TXNL1: variants seen among roughly 807,000 people sequenced by gnomAD.
TXNL1 encodes the protein thioredoxin like 1, also known as thioredoxin-like protein 1.
A neutral mutation model predicts 35.5 loss-of-function variants in TXNL1; 14 were observed. The ratio of observed to expected loss-of-function variants is 0.39; its 90% CI spans 0.26 to 0.62. TXNL1 has a LOEUF of 0.62. Ranked by LOEUF, TXNL1 falls within the 20% of genes least tolerant of loss-of-function variation. TXNL1 has a pLI of 0.47. For missense variants in TXNL1, 263 were observed against 349.7 expected (o/e 0.75, Z 1.98); for synonymous variants, 110 against 115.5 (o/e 0.95, Z 0.31).
At chr18:56,621,158 AGTTTTT>A (rs1283576655) in intron 3 of TXNL1, among the ~76,000 whole-genome samples, 2 of 151,862 alleles carry the variant, frequency 1.3e-5, no homozygotes, top group Non-Finnish European at 2.9e-5. Flanking sequence ...TCTTCTAAAT[AGTTTTT>A]GTTTTTATTT....
chr18:56,601,127 A>G lies in TXNL1; in HGVS notation c.*1900T>C, dbSNP rs1474200860. On this transcript the variant is annotated 3_prime_UTR_variant, in exon 8 of 8. Transcript: ENST00000217515. ...GTTACATATACATATGTGTGTATAT[A>G]TATATACTGTTTTAGGAGAAAACAG... 6.6e-6 allele frequency: 1 copy of G among 152,204 alleles called. No individual in the cohort carries two copies. Among genetic ancestry groups the G allele is most frequent in the Non-Finnish European group, 1.5e-5 (1 of 68,032 alleles). The allele number at this position is 152,204 out of a possible 1,614,324, so 9.4% of individuals were successfully genotyped here.
intron 4 of TXNL1, among the ~76,000 whole-genome samples, chr18:56,617,615 C>T (rs943937347): frequency 2.3e-4 from 35 of 152,272 alleles, no homozygotes; most frequent in African/African-American, 7.9e-4. Flanking sequence ...AGGTTTCTAT[C>T]TAGGAGAAAG....
chr18:56,618,616 A>C (rs1166279457), intron 3 of TXNL1, among the ~76,000 whole-genome samples: 4 of 152,062 alleles, frequency 2.6e-5, no homozygotes, highest in Non-Finnish European at 5.9e-5. Flanking sequence ...CAGCTACAAT[A>C]ATCATCAACT....
intron 1 of TXNL1, among the ~76,000 whole-genome samples, chr18:56,628,517 C>T (rs2024322413): frequency 1.3e-5 from 2 of 151,980 alleles, no homozygotes; most frequent in Non-Finnish European, 2.9e-5. Context: ...GGTATAAAAC[C>T]TCTTGCAAAA....
chr18:56,638,566 G>C lies in TXNL1; in HGVS notation c.-126C>G. On this transcript the variant is annotated 5_prime_UTR_variant, in exon 1 of 8. Coordinates refer to ENST00000217515, the MANE Select transcript of TXNL1 (RefSeq NM_004786.3). ...GGCCTGGACAGAAGAGGTGGCGACC[G>C]CCGAGTCTTCTCCCGGGACTCTCAG... 2.1e-6 allele frequency: 2 copies of C among 938,186 alleles called. No homozygotes were observed. The highest frequency in any genetic ancestry group is 3.6e-5 in the South Asian group (2 of 55,884). 58.1% of individuals were successfully genotyped at this position (938,186 alleles called of 1,614,324 possible). A position where few individuals can be genotyped will look rare whatever the true frequency, so the allele number is the denominator to read the frequency against.
In TXNL1 at chr18:56,627,411, T is replaced by C. The variant is rs910757209; in HGVS notation, c.99-954A>G. On this transcript the variant is annotated intron_variant, in intron 1 of 7. Transcript: ENST00000217515. ...TAACAAATTTCCATTCTAAAAATTA[T>C]AGAGAAATGCCAAGGACAGCCCAAG... 1.1e-4 allele frequency among the ~76,000 whole-genome samples: 17 copies of C among 152,280 alleles called. No individual in the cohort carries two copies. In the East Asian group the frequency reaches 2.7e-3, roughly 24 times the overall value.
rs1330375831 is a variant in TXNL1, at chr18:56,601,443, C to T, written c.*1584G>A. 6.6e-6 allele frequency: 1 copy of T among 152,162 alleles called. No homozygotes were observed. The highest frequency in any genetic ancestry group is 1.5e-5 in the Non-Finnish European group (1 of 68,016). The allele number at this position is 152,162 out of a possible 1,614,324, so 9.4% of individuals were successfully genotyped here. ...AGGATGAGGCACTTTAACAATTACT[C>T]AGAAAGGTTAAGTGTACAAAACTGT... On this transcript the variant is annotated 3_prime_UTR_variant, in exon 8 of 8. Transcript: ENST00000217515.
intron 3 of TXNL1, among the ~76,000 whole-genome samples, chr18:56,620,276 T>A (rs1360038963): frequency 6.6e-6 from 1 of 152,192 alleles, no homozygotes; most frequent in Non-Finnish European, 1.5e-5. Flanking sequence ...CATGATGATA[T>A]TATTGAATTT....
intron 1 of TXNL1, among the ~76,000 whole-genome samples, chr18:56,634,856 G>C (rs969855707): frequency 9.9e-5 from 15 of 152,080 alleles, no homozygotes; most frequent in Non-Finnish European, 2.1e-4. Context: ...ACACCATCAA[G>C]AAAAAGACAA....
intron 1 of TXNL1, among the ~76,000 whole-genome samples, chr18:56,635,534 A>C (rs2144342914): frequency 6.6e-6 from 1 of 152,342 alleles, no homozygotes; most frequent in Admixed American, 6.5e-5. Context: ...TTACGATTTC[A>C]CTTATATTAG....
At position 56,615,390 on chromosome 18, in the gene TXNL1, G is replaced by GAA. The variant is rs5825192; in HGVS notation, c.563-796_563-795dup. 2.5e-3 allele frequency among the ~76,000 whole-genome samples: 301 copies of GAA among 121,476 alleles called. 2 individuals carry two copies. The highest frequency in any genetic ancestry group is 0.021 in the South Asian group (76 of 3,590). 79.7% of individuals were successfully genotyped at this position (121,476 alleles called of 152,430 possible). A position where few individuals can be genotyped will look rare whatever the true frequency, so the allele number is the denominator to read the frequency against. ...CCTTGGTTATTTCTTCCAATCAATC[G>GAA]AAAAAAAAAAAAAAAATCAGAACCC... On this transcript the variant is annotated intron_variant, in intron 5 of 7. Coordinates refer to ENST00000217515, the MANE Select transcript of TXNL1 (RefSeq NM_004786.3).
At chr18:56,620,789 T>C (rs1168832093) in intron 3 of TXNL1, among the ~76,000 whole-genome samples, 2 of 152,248 alleles carry the variant, frequency 1.3e-5, no homozygotes, top group Non-Finnish European at 2.9e-5. Context: ...AAACTTTGTA[T>C]GTCAAGTAAA....
At chr18:56,607,382 C>G (rs2023916560) in intron 7 of TXNL1, among the ~76,000 whole-genome samples, 1 of 151,226 alleles carries the variant, frequency 6.6e-6, no homozygotes, top group Non-Finnish European at 1.5e-5. Context: ...GTCCTGAACT[C>G]CTGGGTTTAA....
chr18:56,632,290 A>AT (rs71169378), intron 1 of TXNL1, among the ~76,000 whole-genome samples: 10,078 of 151,672 alleles, frequency 0.066, 518 homozygotes, highest in East Asian at 0.23. Flanking sequence ...CAGTTAAAGA[A>AT]TTTTTTTTTC....
At chr18:56,629,068 C>T (rs2024329812) in intron 1 of TXNL1, among the ~76,000 whole-genome samples, 1 of 152,188 alleles carries the variant, frequency 6.6e-6, no homozygotes, top group South Asian at 2.1e-4. Context: ...TTTAGATGAA[C>T]ACAAGCCAAG....
rs768908966 is a variant in TXNL1 at position 56,600,045 on chromosome 18, T to C, written c.*2982A>G. 5.9e-5 allele frequency: 9 copies of C among 152,224 alleles called. No individual in the cohort carries two copies. The highest frequency in any genetic ancestry group is 5.9e-4 in the Admixed American group (9 of 15,284). 9.4% of individuals were successfully genotyped at this position (152,224 alleles called of 1,614,324 possible). A position where few individuals can be genotyped will look rare whatever the true frequency, so the allele number is the denominator to read the frequency against. On this transcript the variant is annotated 3_prime_UTR_variant, in exon 8 of 8. Coordinates refer to ENST00000217515, the MANE Select transcript of TXNL1 (RefSeq NM_004786.3). ...TAAAGCTTACAAAGGGTGTAACTAA[T>C]TTATTCAACTCCAACACTTTATTCT... is the stretch of plus-strand genomic sequence containing the variant.
In TXNL1 at chr18:56,629,840, A is replaced by C. The variant is rs2024343155; in HGVS notation, c.99-3383T>G. ...CACCAAAAAGAGAGAATTTATGGGA[A>C]AAATAAGTTTGTTGGCAAACTACTT... is the stretch of plus-strand genomic sequence containing the variant. On this transcript the variant is annotated intron_variant, in intron 1 of 7. Transcript: ENST00000217515. 2.0e-5 allele frequency among the ~76,000 whole-genome samples: 3 copies of C among 152,206 alleles called. 1 individual carries two copies. The South Asian group carries it at 6.2e-4, about 31-fold the overall frequency.
At chr18:56,625,664 C>A (rs1171515590) in intron 2 of TXNL1, among the ~76,000 whole-genome samples, 2 of 152,124 alleles carry the variant, frequency 1.3e-5, no homozygotes, top group Non-Finnish European at 2.9e-5. Context: ...TTTCAACAAA[C>A]CCCCAAAGTA....
At chr18:56,636,938 C>G (rs1043839874) in intron 1 of TXNL1, among the ~76,000 whole-genome samples, 3 of 152,138 alleles carry the variant, frequency 2.0e-5, no homozygotes, top group African/African-American at 7.2e-5. Context: ...ATTAAGAATA[C>G]AGACATCACA....
Sources: gnomAD v4.1 joint callset for allele counts (sites outside exome capture counted in the v4.1 genomes callset) on GRCh38, gnomAD v4.1.1 for gene constraint, MANE v1.5 for transcripts, NCBI Gene and HGNC (gene_info 2026-07-23, HGNC 2026-07-21) for gene names.